LRRC14: variants seen among roughly 807,000 people sequenced by gnomAD.
LRRC14 encodes leucine rich repeat containing 14.
Under a neutral mutation model 25.3 loss-of-function variants are expected in LRRC14, and 16 were observed. The ratio of observed to expected loss-of-function variants is 0.63; its 90% confidence interval spans 0.43 to 0.96. LRRC14 has a LOEUF of 0.96. Ranked by LOEUF, LRRC14 falls within the 40% of genes least tolerant of loss-of-function variation. The pLI is 0.00. For synonymous variants in LRRC14, 359 were observed against 295.1 expected, an observed-to-expected ratio of 1.22 and a Z score of -2.22; for missense variants, 594 against 660.5, an observed-to-expected ratio of 0.90 and a Z score of 1.10.
intron 2 of LRRC14, 49 bp downstream of exon 2, chr8:144,520,103 C>T (rs771258450): frequency 2.5e-6 from 4 of 1,578,254 alleles, no homozygotes; most frequent in Non-Finnish European, 2.6e-6. Flanking sequence ...GTAAGTGGGT[C>T]CCCTGAGGAG....
In LRRC14 at chr8:144,524,956, C is replaced by T. The variant is rs1050023456; in HGVS notation, c.*3478C>T. ...AGTAGCAGCAGCAGCGGCAGCAGTG[C>T]GGGGGCCCTCAGGGCCATCTCCCGA... is the stretch of plus-strand genomic sequence containing the variant. On this transcript the variant is annotated 3_prime_UTR_variant, in exon 4 of 4. Coordinates refer to ENST00000292524, the MANE Select transcript of LRRC14 (RefSeq NM_014665.4). The T allele has an allele frequency of 1.8e-5, 27 of 1,485,674 alleles. No homozygotes were observed. The highest frequency in any genetic ancestry group is 2.3e-5 in the Non-Finnish European group (26 of 1,119,314). 92.0% of individuals were successfully genotyped at this position (1,485,674 alleles called of 1,614,324 possible). A position where few individuals can be genotyped will look rare whatever the true frequency, so the allele number is the denominator to read the frequency against.
chr8:144,520,910 G>T lies in LRRC14; in HGVS notation c.915-1G>T. Reference sequence around the variant, plus strand: ...GTCTGTGACCCCTGTGTCCCCTGTAGCACCCTGCAGAGCCCCCTGGAGAGC... The same window carrying T: ...GTCTGTGACCCCTGTGTCCCCTGTATCACCCTGCAGAGCCCCCTGGAGAGC... On this transcript the variant is annotated splice_acceptor_variant, in intron 3 of 3. Transcript: ENST00000292524. LOFTEE classifies it high-confidence loss of function. 1 of 1,607,954 alleles carries T rather than the reference G, an allele frequency of 6.2e-7. No homozygotes were observed. Among genetic ancestry groups the T allele is most frequent in the Non-Finnish European group, 8.5e-7 (1 of 1,178,902 alleles).
At position 144,520,383 on chromosome 8, in the gene LRRC14, G is replaced by A; in HGVS notation, c.475G>A (p.Gly159Arg). The change falls in exon 3 of 4, where the codon GGG (glycine) becomes AGG (arginine). Residue 159 changes from glycine (G) to arginine (R), a missense_variant. Coordinates refer to ENST00000292524, the MANE Select transcript of LRRC14 (RefSeq NM_014665.4). The stretch of plus-strand genomic sequence containing the variant: ...GCAGCAGGGTGGGGCCGCAGAGCCT[G>A]GGCCAGCCCCCATCCCCGTGGAGGT... ...AQQQGGAAEP[G>R]PAPIPVEVRV... 6.2e-7 allele frequency: 1 copy of A among 1,609,672 alleles called. No homozygotes were observed. Among genetic ancestry groups the A allele is most frequent in the Non-Finnish European group, 8.5e-7 (1 of 1,178,936 alleles).
rs757395977 is a variant in LRRC14, at chr8:144,522,814, C to A, written c.*1336C>A. 368 of 1,511,674 alleles carry A rather than the reference C, an allele frequency of 2.4e-4. No individual in the cohort carries two copies. Among genetic ancestry groups the A allele is most frequent in the Non-Finnish European group, 3.1e-4 (351 of 1,134,404 alleles). 93.6% of individuals were successfully genotyped at this position (1,511,674 alleles called of 1,614,324 possible). ...CCGCCGCAATGGCCGTCTGTGTGGC[C>A]ACGCCCAGGGCGCGGAAGGCCATGC... On this transcript the variant is annotated 3_prime_UTR_variant, in exon 4 of 4. Coordinates refer to ENST00000292524, the MANE Select transcript of LRRC14 (RefSeq NM_014665.4).
Position 144,520,383 on chromosome 8 carries a change from G to C in LRRC14, c.475G>C (p.Gly159Arg), listed in dbSNP as rs1564818729. The change falls in exon 3 of 4, where the codon GGG becomes CGG. Residue 159 changes from glycine to arginine, a missense_variant. Gly to Arg is a moderately radical substitution (Grantham distance 125). Coordinates refer to ENST00000292524, the MANE Select transcript of LRRC14 (RefSeq NM_014665.4). Reference protein sequence around the residue: ...AQQQGGAAEPGPAPIPVEVRV... With the variant: ...AQQQGGAAEPRPAPIPVEVRV... ...GCAGCAGGGTGGGGCCGCAGAGCCT[G>C]GGCCAGCCCCCATCCCCGTGGAGGT... is the stretch of plus-strand genomic sequence containing the variant. 8.7e-6 allele frequency: 14 copies of C among 1,609,672 alleles called. No individual in the cohort carries two copies. Among genetic ancestry groups the C allele is most frequent in the Non-Finnish European group, 1.2e-5 (14 of 1,178,936 alleles).
chr8:144,522,518 C>T lies in LRRC14; in HGVS notation c.*1040C>T, dbSNP rs763094376. On this transcript the variant is annotated 3_prime_UTR_variant, in exon 4 of 4. Coordinates refer to ENST00000292524, the MANE Select transcript of LRRC14 (RefSeq NM_014665.4). Reference sequence around the variant, plus strand: ...GGCGACCGGCGGGGGCACGCGGAGTCCCGGCCCCGCCCCCTGTTCCGGGCC... The same window carrying T: ...GGCGACCGGCGGGGGCACGCGGAGTTCCGGCCCCGCCCCCTGTTCCGGGCC... 14 of 1,507,668 alleles carry T rather than the reference C, an allele frequency of 9.3e-6. No homozygotes were observed. The highest frequency in any genetic ancestry group is 2.2e-5 in the Admixed American group (1 of 44,506). The allele number at this position is 1,507,668 out of a possible 1,614,324, so 93.4% of individuals were successfully genotyped here.
At position 144,522,857 on chromosome 8, in the gene LRRC14, G is replaced by A; in HGVS notation, c.*1379G>A. The A allele has an allele frequency of 3.1e-6, 4 of 1,278,726 alleles. No homozygotes were observed. Among genetic ancestry groups the A allele is most frequent in the Non-Finnish European group, 3.9e-6 (4 of 1,019,528 alleles). 79.2% of individuals were successfully genotyped at this position (1,278,726 alleles called of 1,614,324 possible). ...GGCCATGCTGCCCGCCTCGGGCCGG[G>A]GCTCGCTGCCGGCGGGGCGGGCGGC... On this transcript the variant is annotated 3_prime_UTR_variant, in exon 4 of 4. Transcript: ENST00000292524.
At position 144,522,699 on chromosome 8, in the gene LRRC14, C is replaced by G. The variant is rs896257288; in HGVS notation, c.*1221C>G. ...TCGTTGACGAACAGCGCTCCCTCCC[C>G]CGGAGGCCCCCGCGCCTTTTTTCGC... is the stretch of plus-strand genomic sequence containing the variant. On this transcript the variant is annotated 3_prime_UTR_variant, in exon 4 of 4. Transcript: ENST00000292524. The G allele has an allele frequency of 4.4e-6, 7 of 1,596,070 alleles. No homozygotes were observed. The highest frequency in any genetic ancestry group is 1.7e-5 in the Admixed American group (1 of 58,290).
chr8:144,519,388 G>C (rs1401758167), intron 1 of LRRC14: 3 of 418,568 alleles, frequency 7.2e-6, no homozygotes, highest in Non-Finnish European at 4.4e-6. Flanking sequence ...ACCCATGGGG[G>C]GCCCTGCAAG....
chr8:144,521,640 GC>G lies in LRRC14; in HGVS notation c.*163del. 1.4e-6 allele frequency: 1 copy of G among 705,048 alleles called. No homozygotes were observed. The highest frequency in any genetic ancestry group is 1.9e-5 in the South Asian group (1 of 51,942). The allele number at this position is 705,048 out of a possible 1,614,324, so 43.7% of individuals were successfully genotyped here. ...ACACCTCAAGCCTCCCCTGCTTTCT[GC>G]AGTGCCCCACGCGGTTTTCCCTGCA... On this transcript the variant is annotated 3_prime_UTR_variant, in exon 4 of 4. Coordinates refer to ENST00000292524, the MANE Select transcript of LRRC14 (RefSeq NM_014665.4).
chr8:144,524,495 G>A lies in LRRC14; in HGVS notation c.*3017G>A, dbSNP rs1428818181. On this transcript the variant is annotated 3_prime_UTR_variant, in exon 4 of 4. Coordinates refer to ENST00000292524, the MANE Select transcript of LRRC14 (RefSeq NM_014665.4). ...GCCGCGCCAGCTGGTTGCCCGCCAG[G>A]TAGAGCACGCGCAGCTGGGCCAGGC... is the stretch of plus-strand genomic sequence containing the variant. 9 of 1,597,318 alleles carry A rather than the reference G, an allele frequency of 5.6e-6. No homozygotes were observed. The highest frequency in any genetic ancestry group is 1.7e-5 in the Admixed American group (1 of 59,936).
chr8:144,519,494 C>A, intron 1 of LRRC14, 121 bp from the exon 2 acceptor site: 1 of 589,158 alleles, frequency 1.7e-6, no homozygotes, highest in Non-Finnish European at 3.0e-6. Flanking sequence ...TCCTGTGCAT[C>A]TGGAGGGCTG....
In LRRC14 at chr8:144,522,577, G is replaced by T; in HGVS notation, c.*1099G>T. On this transcript the variant is annotated 3_prime_UTR_variant, in exon 4 of 4. Coordinates refer to ENST00000292524, the MANE Select transcript of LRRC14 (RefSeq NM_014665.4). ...CGGGCGCCTCCGCCGGACCCTCGGC[G>T]AAGAGCGGCTTGGAGCGGTTGATGA... 6.4e-7 allele frequency: 1 copy of T among 1,557,022 alleles called. No homozygotes were observed. The highest frequency in any genetic ancestry group is 8.7e-7 in the Non-Finnish European group (1 of 1,153,802).
In LRRC14 at chr8:144,522,234, A is replaced by ACC. The variant is rs3834368; in HGVS notation, c.*763_*764dup. On this transcript the variant is annotated 3_prime_UTR_variant, in exon 4 of 4. Transcript: ENST00000292524. ...TGTGGCCGGCCAGGGCCAGCGAGGG[A>ACC]CCCCCCCCATGCAGAGCTGGAGGTT... is the stretch of plus-strand genomic sequence containing the variant. The ACC allele has an allele frequency of 0.026, 12,236 of 467,736 alleles. 147 individuals carry two copies. Among genetic ancestry groups the ACC allele is most frequent in the Non-Finnish European group, 0.033 (9,543 of 286,324 alleles). The allele number at this position is 467,736 out of a possible 1,614,324, so 29.0% of individuals were successfully genotyped here. A position where few individuals can be genotyped will look rare whatever the true frequency, so the allele number is the denominator to read the frequency against.
intron 1 of LRRC14, chr8:144,518,922 C>T (rs1203323825): frequency 6.6e-6 from 1 of 152,302 alleles, no homozygotes; most frequent in Non-Finnish European, 1.5e-5. Context: ...CCTTCTGAAT[C>T]CCACATACTT....
In LRRC14 at chr8:144,521,583, G is replaced by T. The variant is rs1002666643; in HGVS notation, c.*105G>T. The T allele has an allele frequency of 1.6e-5, 19 of 1,187,772 alleles. No individual in the cohort carries two copies. The highest frequency in any genetic ancestry group is 6.1e-5 in the African/African-American group (4 of 65,122). 73.6% of individuals were successfully genotyped at this position (1,187,772 alleles called of 1,614,324 possible). A position where few individuals can be genotyped will look rare whatever the true frequency, so the allele number is the denominator to read the frequency against. On this transcript the variant is annotated 3_prime_UTR_variant, in exon 4 of 4. Coordinates refer to ENST00000292524, the MANE Select transcript of LRRC14 (RefSeq NM_014665.4). ...GGCCTTCACAAAAGCACTGGTTACT[G>T]GTTTCCTGCTGGGTCTACCTTGCTT...
In LRRC14 at chr8:144,519,680, G is replaced by C. The variant is rs1249172865; in HGVS notation, c.-46G>C. On this transcript the variant is annotated 5_prime_UTR_variant, in exon 2 of 4. Transcript: ENST00000292524. ...TAGTGGCCTAGGGTCTCTCCTCCCTGCTGAAGTCCCTCTCCTGCAGGTGGC... is the reference window on the plus strand; with the variant it reads ...TAGTGGCCTAGGGTCTCTCCTCCCTCCTGAAGTCCCTCTCCTGCAGGTGGC... 8 of 1,524,906 alleles carry C rather than the reference G, an allele frequency of 5.2e-6. No homozygotes were observed. The Admixed American group carries it at 1.5e-4, about 29-fold the overall frequency. 94.5% of individuals were successfully genotyped at this position (1,524,906 alleles called of 1,614,324 possible). A position where few individuals can be genotyped will look rare whatever the true frequency, so the allele number is the denominator to read the frequency against.
Position 144,524,650 on chromosome 8 carries a change from G to T in LRRC14, c.*3172G>T. ...CTGTTGTTGTGCAGGTAGAGCCGGC[G>T]CAGAGCGGCGAGTGGCGCCAGGGCT... is the stretch of plus-strand genomic sequence containing the variant. On this transcript the variant is annotated 3_prime_UTR_variant, in exon 4 of 4. Coordinates refer to ENST00000292524, the MANE Select transcript of LRRC14 (RefSeq NM_014665.4). The T allele has an allele frequency of 6.7e-7, 1 of 1,503,556 alleles. No individual in the cohort carries two copies. Among genetic ancestry groups the T allele is most frequent in the Non-Finnish European group, 8.8e-7 (1 of 1,135,886 alleles). The allele number at this position is 1,503,556 out of a possible 1,614,324, so 93.1% of individuals were successfully genotyped here.
chr8:144,523,804 G>A lies in LRRC14; in HGVS notation c.*2326G>A. 2 of 460,440 alleles carry A rather than the reference G, an allele frequency of 4.3e-6. No individual in the cohort carries two copies. The highest frequency in any genetic ancestry group is 3.8e-6 in the Non-Finnish European group (1 of 260,072). The allele number at this position is 460,440 out of a possible 1,614,324, so 28.5% of individuals were successfully genotyped here. On this transcript the variant is annotated 3_prime_UTR_variant, in exon 4 of 4. Transcript: ENST00000292524. ...ATGCCCTCTCTTGGGAATGTCCCCA[G>A]TCCTGGTCAGCTGTCTCTCTCCTTT...
Sources: gnomAD v4.1 joint callset for allele counts on GRCh38, gnomAD v4.1.1 for gene constraint, MANE v1.5 for transcripts, NCBI Gene and HGNC (gene_info 2026-07-23, HGNC 2026-07-21) for gene names.